Variants in TSHZ2 observed in about 807,000 individuals in gnomAD.
TSHZ2 encodes the protein teashirt homolog 2.
A neutral mutation model predicts 74.4 loss-of-function variants in TSHZ2; 21 were observed. The ratio of observed to expected loss-of-function variants is 0.28; its 90% confidence interval spans 0.20 to 0.41. The LOEUF is 0.41. Among genes scored for constraint, TSHZ2 ranks in the 10% least tolerant of loss-of-function variants. The pLI, the probability that TSHZ2 is intolerant of heterozygous loss-of-function variation, is 1.00. For synonymous variants in TSHZ2, 540 were observed against 515.3 expected (o/e 1.05, Z -0.65); for missense variants, 1,244 against 1,293.5 (o/e 0.96, Z 0.59).
chr20:53,105,613 CTTTT>C (rs945494415), intron 1 of TSHZ2, among the ~76,000 whole-genome samples: 1 of 151,978 alleles, frequency 6.6e-6, no homozygotes, highest in South Asian at 2.1e-4. Flanking sequence ...AGTTCTCTCT[CTTTT>C]TTTAAGTTAT....
chr20:53,306,773 T>G lies in TSHZ2; in HGVS notation c.*8+50202T>G, dbSNP rs951582845. ...AATCTGTGGCTCAGATGAACATTTA[T>G]TTTATTAATATTTATCGTGTGCCTA... On this transcript the variant is annotated intron_variant, in intron 2 of 2. Transcript: ENST00000371497. 4.7e-3 allele frequency among the ~76,000 whole-genome samples: 709 copies of G among 152,234 alleles called. 7 individuals carry two copies. The highest frequency in any genetic ancestry group is 0.017 in the African/African-American group (690 of 41,506).
chr20:53,190,104 T>TATAG (rs1988694995), intron 1 of TSHZ2, among the ~76,000 whole-genome samples: 1 of 61,532 alleles, frequency 1.6e-5, no homozygotes, highest in African/African-American at 8.3e-5. Flanking sequence ...TATATATATA[T>TATAG]ATATATATAT....
intron 2 of TSHZ2, among the ~76,000 whole-genome samples, chr20:53,347,228 T>C (rs61389231): frequency 0.035 from 5,256 of 152,246 alleles, 325 homozygotes; most frequent in African/African-American, 0.12. Flanking sequence ...GCACTGTAAG[T>C]TGTTGAGAAG....
intron 1 of TSHZ2, among the ~76,000 whole-genome samples, chr20:52,986,145 A>C (rs766913100): frequency 6.6e-6 from 1 of 152,102 alleles, no homozygotes; most frequent in Non-Finnish European, 1.5e-5. Flanking sequence ...TAATCCCAGC[A>C]CTTTGGGAGT....
intron 1 of TSHZ2, among the ~76,000 whole-genome samples, chr20:53,090,241 G>GT (rs1488508780): frequency 6.6e-6 from 1 of 152,114 alleles, no homozygotes; most frequent in Non-Finnish European, 1.5e-5. Context: ...TGACTAGATG[G>GT]TGCCCACCCA....
chr20:53,280,731 C>A (rs535853565), intron 2 of TSHZ2, among the ~76,000 whole-genome samples: 1 of 151,700 alleles, frequency 6.6e-6, no homozygotes, highest in Non-Finnish European at 1.5e-5. Flanking sequence ...GTCTAGCTGT[C>A]GTCCAGGCTG....
At chr20:53,486,295 G>T (rs889112438) in intron 2 of TSHZ2, among the ~76,000 whole-genome samples, 3 of 152,132 alleles carry the variant, frequency 2.0e-5, no homozygotes, top group African/African-American at 7.2e-5. Flanking sequence ...CCACTCATCC[G>T]TTGGACACTT....
In TSHZ2 at chr20:53,488,520, T is replaced by C. The variant is rs951521783; in HGVS notation, c.*1385T>C. 1 of 166,552 alleles carries C rather than the reference T, an allele frequency of 6.0e-6. No individual in the cohort carries two copies. Among genetic ancestry groups the C allele is most frequent in the Non-Finnish European group, 1.3e-5 (1 of 77,240 alleles). The allele number at this position is 166,552 out of a possible 1,614,324, so 10.3% of individuals were successfully genotyped here. On this transcript the variant is annotated 3_prime_UTR_variant, in exon 3 of 3. Coordinates refer to ENST00000371497, the MANE Select transcript of TSHZ2 (RefSeq NM_173485.6). ...CTATACAATTGAAAGCAACCTATAA[T>C]AGATAAATCCATCATTGCATTTAAA...
chr20:53,459,941 G>A (rs1156229073), intron 2 of TSHZ2, among the ~76,000 whole-genome samples: 1 of 152,056 alleles, frequency 6.6e-6, no homozygotes, highest in Admixed American at 6.6e-5. Flanking sequence ...TAGTCTGATG[G>A]GCTTCCCTTT....
chr20:53,234,619 AT>A (rs1029994652), intron 1 of TSHZ2, among the ~76,000 whole-genome samples: 18 of 152,230 alleles, frequency 1.2e-4, no homozygotes, highest in African/African-American at 4.3e-4. Context: ...GTAAAGTGCC[AT>A]CAGGAAATGA....
intron 1 of TSHZ2, among the ~76,000 whole-genome samples, chr20:53,115,962 G>A (rs536262789): frequency 6.6e-6 from 1 of 152,306 alleles, no homozygotes; most frequent in South Asian, 2.1e-4. Flanking sequence ...ATCCAGCAGT[G>A]GGGAAACCAA....
chr20:53,183,291 A>G (rs1309371345), intron 1 of TSHZ2, among the ~76,000 whole-genome samples: 1 of 152,164 alleles, frequency 6.6e-6, no homozygotes, highest in Non-Finnish European at 1.5e-5. Context: ...GCCCCTTTGA[A>G]GTCAAGATTG....
At chr20:53,467,521 G>C (rs1310134033) in intron 2 of TSHZ2, among the ~76,000 whole-genome samples, 2 of 152,254 alleles carry the variant, frequency 1.3e-5, no homozygotes, top group East Asian at 3.9e-4. Context: ...ATTTCGTTAA[G>C]CACTTATTGA....
chr20:53,306,583 G>A (rs542974351), intron 2 of TSHZ2, among the ~76,000 whole-genome samples: 22 of 151,956 alleles, frequency 1.4e-4, no homozygotes, highest in African/African-American at 2.2e-4. Flanking sequence ...GAAACCTCGC[G>A]GAGGAAAAAA....
intron 1 of TSHZ2, among the ~76,000 whole-genome samples, chr20:53,113,788 C>T (rs1986597490): frequency 6.6e-6 from 1 of 152,136 alleles, no homozygotes; most frequent in Non-Finnish European, 1.5e-5. Flanking sequence ...CCTCTTATCA[C>T]AAATTAATAA....
chr20:53,363,222 C>T (rs1238245306), intron 2 of TSHZ2, among the ~76,000 whole-genome samples: 1 of 152,238 alleles, frequency 6.6e-6, no homozygotes, highest in Non-Finnish European at 1.5e-5. Context: ...CTTTTCCTAT[C>T]TTGCTATACC....
chr20:53,123,908 TA>T (rs1986879022), intron 1 of TSHZ2, among the ~76,000 whole-genome samples: 2 of 152,302 alleles, frequency 1.3e-5, no homozygotes, highest in African/African-American at 2.4e-5. Context: ...AAGGTGCTTA[TA>T]AAAACAATTC....
intron 1 of TSHZ2, among the ~76,000 whole-genome samples, chr20:52,983,872 C>T (rs1378408842): frequency 6.6e-6 from 1 of 152,198 alleles, no homozygotes; most frequent in East Asian, 1.9e-4. Context: ...AAGTGGTGCT[C>T]CGAGCCCCCC....
intron 1 of TSHZ2, among the ~76,000 whole-genome samples, chr20:53,218,578 T>A (rs1387656579): frequency 6.6e-6 from 1 of 152,176 alleles, no homozygotes; most frequent in Middle Eastern, 3.2e-3. Context: ...TGGAGCTATG[T>A]TGTTGCCACC....
Sources: gnomAD v4.1 joint callset for allele counts (sites outside exome capture counted in the v4.1 genomes callset) on GRCh38, gnomAD v4.1.1 for gene constraint, MANE v1.5 for transcripts, NCBI Gene and HGNC (gene_info 2026-07-23, HGNC 2026-07-21) for gene names.